The following FAM135B variants were observed in gnomAD, a reference collection of about 807,000 sequenced individuals.
The protein encoded by FAM135B is family with sequence similarity 135 member B.
FAM135B carries 43 observed loss-of-function variants against 127.7 expected under a neutral mutation model. The ratio of observed to expected loss-of-function variants is 0.34; its 90% confidence interval spans 0.26 to 0.43. The LOEUF (loss-of-function observed/expected upper bound fraction) is 0.43. Among genes scored for constraint, FAM135B ranks in the 20% least tolerant of loss-of-function variants. The probability of loss-of-function intolerance (pLI) is 1.00; values close to 1 mark genes in which losing one functional copy is unlikely to be tolerated. For missense variants in FAM135B, 1,558 were observed against 1,725.6 expected (o/e 0.90, Z 1.72); for synonymous variants, 670 against 665.1 (o/e 1.01, Z -0.11).
intron 9 of FAM135B, among the ~76,000 whole-genome samples, chr8:138,194,005 G>C (rs1196937534): frequency 6.6e-6 from 1 of 152,152 alleles, no homozygotes; most frequent in East Asian, 1.9e-4. Context: ...AGGGCCTCCT[G>C]TCTACCCAGC....
At chr8:138,292,802 T>A (rs1825211392) in intron 3 of FAM135B, among the ~76,000 whole-genome samples, 1 of 152,100 alleles carries the variant, frequency 6.6e-6, no homozygotes, top group African/African-American at 2.4e-5. Context: ...ACCATTTCAA[T>A]ATTTGAAAAT....
In FAM135B at chr8:138,242,081, T is replaced by C. The variant is rs1191759253; in HGVS notation, c.669+861A>G. ...GACTGGAATGATACCACCTGCACTC[T>C]TGGGTCTCCAGCTTGCTGACTGAAG... On this transcript the variant is annotated intron_variant, in intron 7 of 19. Transcript: ENST00000395297. The surrounding 1 kb of genome is among the most constrained non-coding windows in gnomAD (Gnocchi z 9.6). 6.6e-6 allele frequency among the ~76,000 whole-genome samples: 1 copy of C among 152,026 alleles called. No homozygotes were observed. The highest frequency in any genetic ancestry group is 3.2e-3 in the Middle Eastern group (1 of 316).
At chr8:138,297,227 T>C (rs866321260) in intron 3 of FAM135B, among the ~76,000 whole-genome samples, 1 of 152,196 alleles carries the variant, frequency 6.6e-6, no homozygotes, top group African/African-American at 2.4e-5. Flanking sequence ...CACGAGTCCA[T>C]GACGGTGAGA....
chr8:138,368,636 G>C (rs1469776485), intron 1 of FAM135B, among the ~76,000 whole-genome samples: 1 of 152,148 alleles, frequency 6.6e-6, no homozygotes, highest in African/African-American at 2.4e-5. Context: ...GTGGCACATA[G>C]AGCATGTGGG....
intron 9 of FAM135B, among the ~76,000 whole-genome samples, chr8:138,187,860 C>T (rs11780648): frequency 0.19 from 29,128 of 152,150 alleles, 3,088 homozygotes; most frequent in East Asian, 0.32. Flanking sequence ...AGCCCGGCCC[C>T]GATCTCTGGA....
At chr8:138,417,177 C>A (rs528572350) in intron 1 of FAM135B, among the ~76,000 whole-genome samples, 25 of 152,330 alleles carry the variant, frequency 1.6e-4, no homozygotes, top group African/African-American at 5.5e-4. Context: ...CAGACCTGAA[C>A]AGAGCAGGGC....
intron 1 of FAM135B, among the ~76,000 whole-genome samples, chr8:138,384,169 T>C (rs1832039564): frequency 6.6e-6 from 1 of 152,194 alleles, no homozygotes; most frequent in African/African-American, 2.4e-5. Flanking sequence ...GCTGCCTGCA[T>C]TGATACCATT....
In FAM135B at chr8:138,146,005, C is replaced by A. The variant is rs2130658346; in HGVS notation, c.3494G>T (p.Gly1165Val). ...LRLVKTFIELGLPGGKLDFLM... is the reference protein window; with the variant it reads ...LRLVKTFIELVLPGGKLDFLM... ...GAAGTCCAGTTTTCCTCCAGGGAGC[C>A]CCAGTTCTATGAAAGTCTTTACCAG... Residue 1165 changes from glycine (G) to valine (V), a missense_variant, in exon 15 of 20, where the codon GGG becomes GTG. Gly to Val is a moderately radical substitution (Grantham distance 109). Coordinates refer to ENST00000395297, the MANE Select transcript of FAM135B (RefSeq NM_015912.4). 1 of 1,611,378 alleles carries A rather than the reference C, an allele frequency of 6.2e-7. No homozygotes were observed.
At chr8:138,174,924 G>A (rs1344830539) in intron 11 of FAM135B, among the ~76,000 whole-genome samples, 2 of 152,132 alleles carry the variant, frequency 1.3e-5, no homozygotes, top group African/African-American at 4.8e-5. Flanking sequence ...TAGTGGATTT[G>A]TCTGTTTTAT....
At chr8:138,409,951 C>T (rs1369133273) in intron 1 of FAM135B, among the ~76,000 whole-genome samples, 1 of 150,020 alleles carries the variant, frequency 6.7e-6, no homozygotes, top group Non-Finnish European at 1.5e-5. Flanking sequence ...TGACCAAGGT[C>T]ATAAAGCTAG....
At chr8:138,219,219 C>G (rs1213805940) in intron 7 of FAM135B, among the ~76,000 whole-genome samples, 1 of 152,088 alleles carries the variant, frequency 6.6e-6, no homozygotes. Context: ...TTCAATTATG[C>G]GTAACATGGG....
intron 2 of FAM135B, among the ~76,000 whole-genome samples, chr8:138,322,087 G>C (rs891369286): frequency 6.6e-6 from 1 of 152,202 alleles, no homozygotes; most frequent in African/African-American, 2.4e-5. Flanking sequence ...ACTTGCAGAG[G>C]CTCAGTTCCC....
chr8:138,363,623 C>G (rs377335924), intron 2 of FAM135B, among the ~76,000 whole-genome samples: 1 of 152,110 alleles, frequency 6.6e-6, no homozygotes, highest in African/African-American at 2.4e-5. Context: ...GTTGACTGTT[C>G]GCTCAAAGCC....
At chr8:138,150,839 ATAT>A (rs1473360313) in intron 13 of FAM135B, among the ~76,000 whole-genome samples, 3 of 152,140 alleles carry the variant, frequency 2.0e-5, no homozygotes, top group South Asian at 2.1e-4. Flanking sequence ...TATTTCTAAT[ATAT>A]TATTAAATTA....
At chr8:138,367,477 G>T in intron 2 of FAM135B, 1 of 457,864 alleles carries the variant, frequency 2.2e-6, no homozygotes, top group South Asian at 1.6e-5. Flanking sequence ...AACCTTATCA[G>T]TTTTTGAAAG....
chr8:138,241,734 A>G lies in FAM135B; in HGVS notation c.669+1208T>C, dbSNP rs1242143552. Among the ~76,000 whole-genome samples the G allele has an allele frequency of 6.6e-6, 1 of 152,208 alleles. No homozygotes were observed. Among genetic ancestry groups the G allele is most frequent in the African/African-American group, 2.4e-5 (1 of 41,460 alleles). On this transcript the variant is annotated intron_variant, in intron 7 of 19. Transcript: ENST00000395297. The surrounding 1 kb of genome is among the most constrained non-coding windows in gnomAD (Gnocchi z 4.8). ...GAAATTAGTAGTGATAGTTACTATT[A>G]ATGTGACAGTTACTTTTACGTGTCA...
chr8:138,143,249 A>T (rs1249156170), intron 15 of FAM135B, 140 bp from the exon 16 acceptor site: 1 of 593,012 alleles, frequency 1.7e-6, no homozygotes, highest in Non-Finnish European at 3.0e-6. Flanking sequence ...ACAGGATAAG[A>T]TATGACTTCA....
chr8:138,287,683 A>G (rs531281416), intron 3 of FAM135B, among the ~76,000 whole-genome samples: 125 of 152,318 alleles, frequency 8.2e-4, no homozygotes, highest in East Asian at 1.2e-3. Context: ...TTCCTGGCAC[A>G]CACAGCCCCA....
intron 2 of FAM135B, among the ~76,000 whole-genome samples, chr8:138,356,756 G>A (rs1050384219): frequency 6.6e-6 from 1 of 152,122 alleles, no homozygotes; most frequent in African/African-American, 2.4e-5. Flanking sequence ...GAGTGTCAAT[G>A]GCTGGGGTCT....
Sources: allele counts gnomAD v4.1 joint callset (sites outside exome capture counted in the v4.1 genomes callset), GRCh38; gene constraint gnomAD v4.1.1; non-coding constraint Gnocchi (gnomAD v3.1); transcripts MANE v1.5; gene names NCBI Gene and HGNC (gene_info 2026-07-23, HGNC 2026-07-21).